NEK7: variants seen among roughly 807,000 people sequenced by gnomAD.
NEK7 encodes serine/threonine-protein kinase Nek7.
Under a neutral mutation model 44.6 loss-of-function variants are expected in NEK7, and 18 were observed. That is an observed-to-expected ratio of 0.40 (90% confidence interval 0.28 to 0.60). NEK7 has a LOEUF of 0.60. Ranked by LOEUF, NEK7 falls within the 20% of genes least tolerant of loss-of-function variation. The pLI is 0.38. For missense variants in NEK7, 256 were observed against 366.5 expected (o/e 0.70, Z 2.46); for synonymous variants, 130 against 121.1 (o/e 1.07, Z -0.48).
chr1:198,251,050 G>A (rs576400412), intron 2 of NEK7, among the ~76,000 whole-genome samples: 2 of 151,956 alleles, frequency 1.3e-5, no homozygotes, highest in South Asian at 2.1e-4. Flanking sequence ...TTTGAGATAT[G>A]TCCCATCAAT....
chr1:198,289,414 A>G (rs868526995), intron 7 of NEK7, among the ~76,000 whole-genome samples: 22 of 152,114 alleles, frequency 1.4e-4, no homozygotes, highest in Admixed American at 9.2e-4. Flanking sequence ...GAGTTTCTGT[A>G]AGTGGTACAG....
At chr1:198,314,950 G>T (rs190032029) in intron 9 of NEK7, among the ~76,000 whole-genome samples, 73 of 152,374 alleles carry the variant, frequency 4.8e-4, no homozygotes, top group Admixed American at 2.0e-4. Context: ...TTGAGCTGTG[G>T]TGAGCTCCAC....
intron 2 of NEK7, among the ~76,000 whole-genome samples, chr1:198,247,806 A>G (rs1320061106): frequency 6.6e-6 from 1 of 152,128 alleles, no homozygotes; most frequent in Non-Finnish European, 1.5e-5. Context: ...TACATGATAG[A>G]TGTAGTAAAA....
intron 7 of NEK7, 59 bp from the exon 8 acceptor site, chr1:198,292,886 C>A (rs970133803): frequency 1.1e-6 from 1 of 904,908 alleles, no homozygotes; most frequent in Admixed American, 1.9e-5. Flanking sequence ...TAGTTTCTGA[C>A]CACAGCTGTA....
chr1:198,289,065 A>G (rs1654464791), intron 7 of NEK7, among the ~76,000 whole-genome samples: 1 of 152,072 alleles, frequency 6.6e-6, no homozygotes, highest in Admixed American at 6.6e-5. Flanking sequence ...CTGTCTGCCA[A>G]CATAATTTCT....
At chr1:198,273,971 C>T (rs1026581818) in intron 5 of NEK7, among the ~76,000 whole-genome samples, 1 of 151,444 alleles carries the variant, frequency 6.6e-6, no homozygotes, top group Non-Finnish European at 1.5e-5. Flanking sequence ...TTCAAGGTCA[C>T]ACAACCAGTT....
chr1:198,217,444 A>C (rs554220307), intron 1 of NEK7, among the ~76,000 whole-genome samples: 3 of 152,248 alleles, frequency 2.0e-5, no homozygotes, highest in African/African-American at 4.8e-5. Flanking sequence ...CCTCAAAATA[A>C]TAAAAACCAT....
At chr1:198,258,329 C>T (rs1270525411) in intron 3 of NEK7, among the ~76,000 whole-genome samples, 1 of 152,140 alleles carries the variant, frequency 6.6e-6, no homozygotes, top group East Asian at 1.9e-4. Context: ...GTCCCAGCTA[C>T]CTGGGAGGCT....
chr1:198,223,877 C>G (rs916051897), intron 1 of NEK7, among the ~76,000 whole-genome samples: 1 of 151,904 alleles, frequency 6.6e-6, no homozygotes, highest in African/African-American at 2.4e-5. Context: ...CTAAATAACT[C>G]AGTGGACTAA....
chr1:198,304,726 T>A (rs995181367), intron 9 of NEK7, among the ~76,000 whole-genome samples: 3 of 152,200 alleles, frequency 2.0e-5, no homozygotes, highest in African/African-American at 7.2e-5. Flanking sequence ...ATCAACCTAT[T>A]TGCTTTGATA....
At position 198,218,411 on chromosome 1, in the gene NEK7, A is replaced by G. The variant is rs150167246; in HGVS notation, c.-28-14142A>G. On this transcript the variant is annotated intron_variant, in intron 1 of 9. Coordinates refer to ENST00000367385, the MANE Select transcript of NEK7 (RefSeq NM_133494.3). ...GATCCCTTTCTCTCACTATATTACAAAAGTTAACTCAAAATGGATTAAAGA... is the reference window on the plus strand; with the variant it reads ...GATCCCTTTCTCTCACTATATTACAGAAGTTAACTCAAAATGGATTAAAGA... Among the ~76,000 whole-genome samples, 769 of 152,148 alleles carry G rather than the reference A, an allele frequency of 5.1e-3. 10 individuals are homozygous for G. Among genetic ancestry groups the G allele is most frequent in the African/African-American group, 0.018 (737 of 41,564 alleles).
intron 3 of NEK7, among the ~76,000 whole-genome samples, chr1:198,254,189 A>G (rs1653174166): frequency 6.6e-6 from 1 of 152,122 alleles, no homozygotes; most frequent in South Asian, 2.1e-4. Context: ...TTTATCTGGT[A>G]TATGTGTTAG....
chr1:198,172,884 A>G (rs191172523), intron 1 of NEK7, among the ~76,000 whole-genome samples: 1 of 152,352 alleles, frequency 6.6e-6, no homozygotes, highest in Non-Finnish European at 1.5e-5. Flanking sequence ...ATTGATCATA[A>G]CTAAGTTAAT....
chr1:198,216,345 A>G (rs183271500), intron 1 of NEK7, among the ~76,000 whole-genome samples: 1 of 152,238 alleles, frequency 6.6e-6, no homozygotes, highest in East Asian at 1.9e-4. Flanking sequence ...TGGGTTAACC[A>G]TGAGATCAAG....
At chr1:198,184,962 G>C (rs550338010) in intron 1 of NEK7, among the ~76,000 whole-genome samples, 1 of 152,048 alleles carries the variant, frequency 6.6e-6, no homozygotes, top group African/African-American at 2.4e-5. Context: ...TCTTCCCTTG[G>C]GATCCCCAAC....
At position 198,232,636 on chromosome 1, in the gene NEK7, A is replaced by C; in HGVS notation, c.56A>C (p.Gln19Pro). The C allele has an allele frequency of 6.3e-7, 1 of 1,576,016 alleles. No homozygotes were observed. Among genetic ancestry groups the C allele is most frequent in the Non-Finnish European group, 8.7e-7 (1 of 1,145,724 alleles). The change falls in exon 2 of 10, where the codon CAG becomes CCG. Residue 19 changes from glutamine (Q) to proline (P), a missense_variant and splice_region_variant. Around this residue, in one of 3 missense-constraint regions of NEK7, gnomAD observed 96 missense variants for 94.9 expected, o/e 1.01. Coordinates refer to ENST00000367385, the MANE Select transcript of NEK7 (RefSeq NM_133494.3). The part of the protein sequence containing the change: ...QGPPVPQFQP[Q>P]KALRPDMGYN... ...CCACCTGTTCCTCAGTTCCAACCAC[A>C]GGTAATTTATCCTAATTAAGATGGG...
chr1:198,174,714 A>G (rs1339104504), intron 1 of NEK7, among the ~76,000 whole-genome samples: 1 of 151,970 alleles, frequency 6.6e-6, no homozygotes, highest in Non-Finnish European at 1.5e-5. Context: ...ATCAAGAGGA[A>G]TAATGGATAG....
chr1:198,174,675 C>G (rs558697724), intron 1 of NEK7, among the ~76,000 whole-genome samples: 1 of 152,078 alleles, frequency 6.6e-6, no homozygotes, highest in Non-Finnish European at 1.5e-5. Flanking sequence ...AGATCAGGGC[C>G]TCAGTTTCCT....
At chr1:198,266,031 C>T (rs564087900) in intron 5 of NEK7, among the ~76,000 whole-genome samples, 26 of 152,048 alleles carry the variant, frequency 1.7e-4, no homozygotes, top group Non-Finnish European at 3.2e-4. Flanking sequence ...CTAACCTTTA[C>T]GTGCACAAAA....
Sources: allele counts gnomAD v4.1 joint callset (sites outside exome capture counted in the v4.1 genomes callset), GRCh38; gene constraint gnomAD v4.1.1; regional missense constraint gnomAD v4.1.1; transcripts MANE v1.5; gene names NCBI Gene and HGNC (gene_info 2026-07-23, HGNC 2026-07-21).